SCAND3: variants seen among roughly 807,000 people sequenced by gnomAD.
SCAND3 encodes SCAN domain-containing protein 3.
chr6:28,572,175 G>C, the SCAND3 span: 3 of 1,613,932 alleles, frequency 1.9e-6, no homozygotes, highest in Non-Finnish European at 2.5e-6. The surrounding 1 kb of genome is among the most constrained non-coding windows in gnomAD (Gnocchi z 4.1). Context: ...TTTCAAAACT[G>C]ATTTTCAATC....
chr6:28,614,579 CT>C, the SCAND3 span, among the ~76,000 whole-genome samples: 3 of 151,986 alleles, frequency 2.0e-5, no homozygotes, highest in South Asian at 6.2e-4. Context: ...ATTCTCCTGT[CT>C]CAGCCTCCCA....
the SCAND3 span, chr6:28,579,500 A>G: frequency 7.9e-7 from 1 of 1,258,316 alleles, no homozygotes; most frequent in Non-Finnish European, 1.1e-6. This position sits in a 1 kb window ranked among gnomAD's most constrained non-coding sequence, Gnocchi z 4.5. Context: ...TTCCACTAAA[A>G]TAGAATGTAA....
chr6:28,607,196 C>T, the SCAND3 span, among the ~76,000 whole-genome samples: 18 of 152,168 alleles, frequency 1.2e-4, no homozygotes, highest in Admixed American at 2.0e-4. Context: ...TTAGCATGTA[C>T]GAGGTCCCGG....
At chr6:28,593,227 C>A in the SCAND3 span, among the ~76,000 whole-genome samples, 1 of 151,952 alleles carries the variant, frequency 6.6e-6, no homozygotes, top group Non-Finnish European at 1.5e-5. Context: ...AACAATCAAC[C>A]TGATTACAAA....
chr6:28,600,936 C>G, the SCAND3 span, among the ~76,000 whole-genome samples: 3 of 132,532 alleles, frequency 2.3e-5, no homozygotes, highest in Admixed American at 2.4e-4. Flanking sequence ...GAGTCTCACT[C>G]TGTCGTCCAG....
At chr6:28,604,158 A>T in the SCAND3 span, among the ~76,000 whole-genome samples, 1 of 152,290 alleles carries the variant, frequency 6.6e-6, no homozygotes, top group South Asian at 2.1e-4. Flanking sequence ...CCACCTTCTG[A>T]TGGGAGGAGA....
chr6:28,600,574 C>T, the SCAND3 span, among the ~76,000 whole-genome samples: 1 of 152,102 alleles, frequency 6.6e-6, no homozygotes, highest in African/African-American at 2.4e-5. Context: ...TTGCAGTGAG[C>T]TGAGATTGCA....
the SCAND3 span, chr6:28,572,838 A>C: frequency 4.3e-6 from 7 of 1,613,784 alleles, no homozygotes; most frequent in Non-Finnish European, 5.1e-6. The surrounding 1 kb of genome is among the most constrained non-coding windows in gnomAD (Gnocchi z 4.1). Flanking sequence ...CATTAAGTAC[A>C]CTATTTAGTT....
At chr6:28,590,706 G>A in the SCAND3 span, 1 of 152,096 alleles carries the variant, frequency 6.6e-6, no homozygotes, top group Non-Finnish European at 1.5e-5. Context: ...AAACCAAATC[G>A]AATCCTACTT....
At chr6:28,607,919 G>C in the SCAND3 span, among the ~76,000 whole-genome samples, 5 of 152,150 alleles carry the variant, frequency 3.3e-5, no homozygotes, top group East Asian at 9.7e-4. Flanking sequence ...TTGGGAAAAG[G>C]GCTTGTGGGG....
the SCAND3 span, chr6:28,576,067 T>C: frequency 3.7e-6 from 6 of 1,613,556 alleles, no homozygotes; most frequent in Non-Finnish European, 5.1e-6. Flanking sequence ...TTCTGCTTCA[T>C]TAGTATCTAA....
At chr6:28,576,768 CT>C in the SCAND3 span, among the ~76,000 whole-genome samples, 18,819 of 140,986 alleles carry the variant, frequency 0.13, 1,415 homozygotes, top group East Asian at 0.4. Context: ...TATGCAAAGA[CT>C]TTTTTTTTTT....
the SCAND3 span, among the ~76,000 whole-genome samples, chr6:28,607,268 C>T: frequency 3.3e-5 from 5 of 152,136 alleles, no homozygotes; most frequent in South Asian, 4.1e-4. Context: ...CAATGGACCG[C>T]CTTTCCACTT....
At chr6:28,586,717 T>C in the SCAND3 span, 33 of 1,612,108 alleles carry the variant, frequency 2.0e-5, no homozygotes, top group Non-Finnish European at 2.5e-5. The surrounding 1 kb of genome is among the most constrained non-coding windows in gnomAD (Gnocchi z 4.4). Context: ...ACTGCTTCCA[T>C]CCCGAGCTTA....
the SCAND3 span, chr6:28,597,800 G>C: frequency 6.6e-6 from 1 of 152,166 alleles, no homozygotes; most frequent in African/African-American, 2.4e-5. Context: ...AACATCTCCA[G>C]AGATTCCTGT....
At chr6:28,578,647 C>T in the SCAND3 span, among the ~76,000 whole-genome samples, 1 of 151,994 alleles carries the variant, frequency 6.6e-6, no homozygotes, top group Admixed American at 6.6e-5. Flanking sequence ...AAATACAGGG[C>T]AATGTCAAGA....
the SCAND3 span, chr6:28,579,142 G>T: frequency 1.2e-6 from 1 of 805,710 alleles, no homozygotes; most frequent in Non-Finnish European, 2.0e-6. The surrounding 1 kb of genome is among the most constrained non-coding windows in gnomAD (Gnocchi z 4.5). Flanking sequence ...ACACTATACT[G>T]ATTGGCTTTT....
At chr6:28,605,555 C>G in the SCAND3 span, among the ~76,000 whole-genome samples, 3 of 151,802 alleles carry the variant, frequency 2.0e-5, no homozygotes, top group African/African-American at 7.3e-5. Context: ...GAAATGAGGC[C>G]GGGAGCAGTG....
chr6:28,596,690 C>G, the SCAND3 span, among the ~76,000 whole-genome samples: 3 of 152,282 alleles, frequency 2.0e-5, no homozygotes, highest in South Asian at 6.2e-4. Context: ...GGACATTCCT[C>G]TCTGTCTTGC....
Sources: gnomAD v4.1 joint callset for allele counts (sites outside exome capture counted in the v4.1 genomes callset) on GRCh38, gnomAD v4.1.1 for gene constraint, Gnocchi (gnomAD v3.1) non-coding constraint, MANE v1.5 for transcripts, NCBI Gene and HGNC (gene_info 2026-07-23, HGNC 2026-07-21) for gene names.